Variants in CNTNAP5 observed in about 807,000 individuals in gnomAD.
The protein encoded by CNTNAP5 is contactin associated protein family member 5.
In CNTNAP5, 72 loss-of-function variants were observed where a neutral mutation model predicts 150.2. The observed-to-expected ratio is 0.48, with a 90% CI of 0.40 to 0.58. CNTNAP5 has a LOEUF of 0.58. CNTNAP5 is among the 20% of genes least tolerant of loss of function. The pLI is 0.00. For missense variants in CNTNAP5, 1,636 were observed against 1,626.2 expected, an observed-to-expected ratio of 1.01 and a Z score of -0.10; for synonymous variants, 672 against 619.8, an observed-to-expected ratio of 1.08 and a Z score of -1.25.
intron 2 of CNTNAP5, among the ~76,000 whole-genome samples, chr2:124,241,530 G>A (rs1032873806): frequency 2.6e-5 from 4 of 152,118 alleles, no homozygotes; most frequent in Non-Finnish European, 5.9e-5. Context: ...TGTGCTCTGT[G>A]TACCTGCTGT....
At chr2:124,783,123 A>G (rs1681489035) in intron 17 of CNTNAP5, among the ~76,000 whole-genome samples, 1 of 152,148 alleles carries the variant, frequency 6.6e-6, no homozygotes, top group Non-Finnish European at 1.5e-5. Flanking sequence ...TGGTGACTGG[A>G]GGGAAGCTTC....
chr2:124,652,489 G>C (rs1343982096), intron 13 of CNTNAP5, among the ~76,000 whole-genome samples: 1 of 152,206 alleles, frequency 6.6e-6, no homozygotes, highest in Non-Finnish European at 1.5e-5. Context: ...TGAGGCTAGA[G>C]TCCTGAAGGC....
rs753498655 is a variant in CNTNAP5, at chr2:124,434,687, G to A, written c.733G>A (p.Gly245Ser). 1 of 1,605,408 alleles carries A rather than the reference G, an allele frequency of 6.2e-7. No individual in the cohort carries two copies. The highest frequency in any genetic ancestry group is 8.5e-7 in the Non-Finnish European group (1 of 1,175,832). Reference protein sequence around the residue: ...KGRLALHLNLGDSKARLSSSL... With the variant: ...KGRLALHLNLSDSKARLSSSL... ...GAGGCTCGCCCTACACCTCAATTTG[G>A]GTAGGCTCAGACTTCCTCTTCCAAT... Residue 245 changes from glycine (G) to serine (S), a missense_variant and splice_region_variant, in exon 5 of 24, where the codon GGT becomes AGT. Gly to Ser is a moderately conservative substitution (Grantham distance 56, BLOSUM62 0). Transcript: ENST00000682447.
chr2:124,732,412 C>A (rs1212168167), intron 13 of CNTNAP5, among the ~76,000 whole-genome samples: 5 of 152,060 alleles, frequency 3.3e-5, no homozygotes, highest in Non-Finnish European at 7.4e-5. Flanking sequence ...GAAGGTGGAG[C>A]CTTTGGTGAG....
At chr2:124,735,387 T>C (rs1465568766) in intron 13 of CNTNAP5, among the ~76,000 whole-genome samples, 1 of 151,932 alleles carries the variant, frequency 6.6e-6, no homozygotes, top group Non-Finnish European at 1.5e-5. Context: ...TTAGACTTCA[T>C]AGAAACCATG....
chr2:124,458,086 T>C (rs945580337), intron 6 of CNTNAP5, among the ~76,000 whole-genome samples: 1 of 151,420 alleles, frequency 6.6e-6, no homozygotes, highest in Non-Finnish European at 1.5e-5. Context: ...GGAAAAGAAG[T>C]CATTATATGA....
chr2:124,031,639 A>C (rs560044684), intron 1 of CNTNAP5, among the ~76,000 whole-genome samples: 1 of 152,280 alleles, frequency 6.6e-6, no homozygotes, highest in African/African-American at 2.4e-5. Context: ...TAACAGAGGA[A>C]GCCTCTCCAT....
At chr2:124,395,951 A>G (rs1691231553) in intron 3 of CNTNAP5, among the ~76,000 whole-genome samples, 1 of 152,174 alleles carries the variant, frequency 6.6e-6, no homozygotes, top group African/African-American at 2.4e-5. Flanking sequence ...AATGTGCCCC[A>G]GAGTCCATCA....
intron 1 of CNTNAP5, among the ~76,000 whole-genome samples, chr2:124,068,243 C>A (rs944594217): frequency 6.6e-6 from 1 of 152,166 alleles, no homozygotes; most frequent in Admixed American, 6.5e-5. Context: ...TACCCCCTGG[C>A]AGTGGCTGTG....
intron 22 of CNTNAP5, among the ~76,000 whole-genome samples, chr2:124,910,614 G>T (rs2104767961): frequency 6.6e-6 from 1 of 152,012 alleles, no homozygotes; most frequent in Admixed American, 6.6e-5. Context: ...GGATAGCTTT[G>T]GTGTGAATTT....
At chr2:124,089,539 T>G (rs1682769671) in intron 1 of CNTNAP5, among the ~76,000 whole-genome samples, 1 of 152,226 alleles carries the variant, frequency 6.6e-6, no homozygotes, top group South Asian at 2.1e-4. Flanking sequence ...TTAATTTCTC[T>G]AATACTTTCA....
chr2:124,171,834 A>G (rs1302642350), intron 1 of CNTNAP5, among the ~76,000 whole-genome samples: 2 of 152,298 alleles, frequency 1.3e-5, no homozygotes, highest in East Asian at 1.9e-4. Context: ...AAATAGGAAT[A>G]CTATGACTCC....
At chr2:124,706,746 CAAGAAGAAGAAGAAG>C (rs747166844) in intron 13 of CNTNAP5, among the ~76,000 whole-genome samples, 93 of 52,210 alleles carry the variant, frequency 1.8e-3, no homozygotes, top group East Asian at 2.1e-3. Flanking sequence ...GACTCTGTTT[CAAGAAGAAGAAGAAG>C]AAGAAGAAGA....
chr2:124,547,773 G>A (rs1695546867), intron 10 of CNTNAP5, among the ~76,000 whole-genome samples: 1 of 152,194 alleles, frequency 6.6e-6, no homozygotes, highest in African/African-American at 2.4e-5. Flanking sequence ...TCAGCAATTG[G>A]CCGCCACAAT....
In CNTNAP5 at chr2:124,475,231, T is replaced by A. The variant is rs549745291; in HGVS notation, c.1062+349T>A. 5.9e-5 allele frequency among the ~76,000 whole-genome samples: 9 copies of A among 152,252 alleles called. No homozygotes were observed. The South Asian group carries it at 1.9e-3, about 32-fold the overall frequency. On this transcript the variant is annotated intron_variant, in intron 7 of 23. Coordinates refer to ENST00000682447, the MANE Select transcript of CNTNAP5 (RefSeq NM_001367498.1). ...AAGAAAACCACATATTCCATTAAAT[T>A]CTATGGCTTGGGAGTTACATATATG...
At chr2:124,652,066 CT>C (rs1678335323) in intron 13 of CNTNAP5, among the ~76,000 whole-genome samples, 1 of 152,216 alleles carries the variant, frequency 6.6e-6, no homozygotes. Context: ...AACCATGACA[CT>C]GTCATTTTAT....
chr2:124,458,316 TAA>T (rs1357367240), intron 6 of CNTNAP5, among the ~76,000 whole-genome samples: 17 of 71,562 alleles, frequency 2.4e-4, no homozygotes, highest in African/African-American at 8.9e-4. Flanking sequence ...TATATATATA[TAA>T]AATGGAATAC....
intron 1 of CNTNAP5, among the ~76,000 whole-genome samples, chr2:124,166,626 C>A (rs994676838): frequency 6.6e-6 from 1 of 152,064 alleles, no homozygotes; most frequent in Non-Finnish European, 1.5e-5. Context: ...TATTATTGTG[C>A]CAATAATTCA....
At chr2:124,339,326 C>T (rs754149537) in intron 3 of CNTNAP5, among the ~76,000 whole-genome samples, 2 of 152,068 alleles carry the variant, frequency 1.3e-5, no homozygotes, top group Non-Finnish European at 2.9e-5. Context: ...TTATATGTCT[C>T]CAGTGCACTT....
Sources: gnomAD v4.1 joint callset for allele counts (sites outside exome capture counted in the v4.1 genomes callset) on GRCh38, gnomAD v4.1.1 for gene constraint, MANE v1.5 for transcripts, NCBI Gene and HGNC (gene_info 2026-07-23, HGNC 2026-07-21) for gene names.